TMEM163: variants seen among roughly 807,000 people sequenced by gnomAD.
TMEM163 encodes transmembrane protein 163.
In TMEM163, 17 loss-of-function variants were observed where a neutral mutation model predicts 29.3. That is an observed-to-expected ratio of 0.58 (90% CI 0.40 to 0.87). The LOEUF is 0.87. TMEM163 is among the 40% of genes least tolerant of loss of function. The probability of loss-of-function intolerance (pLI) is 0.00; values close to 1 mark genes in which losing one functional copy is unlikely to be tolerated. For synonymous variants in TMEM163, 157 were observed against 160.6 expected (o/e 0.98, Z 0.17); for missense variants, 303 against 381.5 (o/e 0.79, Z 1.71).
intron 6 of TMEM163, among the ~76,000 whole-genome samples, chr2:134,463,925 G>A (rs1290709292): frequency 6.6e-6 from 1 of 152,178 alleles, no homozygotes; most frequent in Non-Finnish European, 1.5e-5. Context: ...GCAACCCAGG[G>A]CTTCATCTGG....
At chr2:134,612,544 C>CACACACACACAG (rs968618370) in intron 2 of TMEM163, among the ~76,000 whole-genome samples, 1 of 150,094 alleles carries the variant, frequency 6.7e-6, no homozygotes, top group Non-Finnish European at 1.5e-5. Context: ...TTTGCCCCAA[C>CACACACACACAG]ACACACACAC....
intron 5 of TMEM163, among the ~76,000 whole-genome samples, chr2:134,493,422 G>A (rs1454611591): frequency 8.2e-6 from 1 of 121,992 alleles, no homozygotes; most frequent in Non-Finnish European, 1.6e-5. Context: ...CGCCCAGTCT[G>A]GAGTACAGTG....
At chr2:134,463,138 G>A (rs1334348845) in intron 6 of TMEM163, among the ~76,000 whole-genome samples, 1 of 152,154 alleles carries the variant, frequency 6.6e-6, no homozygotes, top group Non-Finnish European at 1.5e-5. Flanking sequence ...AGGGCAGGTG[G>A]GCAGCACACA....
At chr2:134,508,383 T>C (rs1251065332) in intron 4 of TMEM163, among the ~76,000 whole-genome samples, 1 of 152,244 alleles carries the variant, frequency 6.6e-6, no homozygotes, top group African/African-American at 2.4e-5. Context: ...AGTGCTCAAA[T>C]GTGAAGCAAA....
intron 2 of TMEM163, among the ~76,000 whole-genome samples, chr2:134,650,057 A>T (rs1450846040): frequency 6.6e-6 from 1 of 151,502 alleles, no homozygotes; most frequent in Non-Finnish European, 1.5e-5. Flanking sequence ...TATGGCATGC[A>T]AAAATGTCCA....
At chr2:134,634,532 T>A (rs1365011884) in intron 2 of TMEM163, among the ~76,000 whole-genome samples, 1 of 152,116 alleles carries the variant, frequency 6.6e-6, no homozygotes, top group Non-Finnish European at 1.5e-5. Context: ...GCTGCACATC[T>A]CCAGCTAGTG....
intron 2 of TMEM163, among the ~76,000 whole-genome samples, chr2:134,675,344 G>A (rs1684092006): frequency 6.6e-6 from 1 of 152,144 alleles, no homozygotes; most frequent in Non-Finnish European, 1.5e-5. Context: ...AAACCATGTA[G>A]GCATAAGGAG....
chr2:134,631,723 A>C (rs1419838300), intron 2 of TMEM163, among the ~76,000 whole-genome samples: 1 of 152,216 alleles, frequency 6.6e-6, no homozygotes, highest in Non-Finnish European at 1.5e-5. Context: ...TTTAGCTCAA[A>C]ATAAATGTTA....
intron 2 of TMEM163, among the ~76,000 whole-genome samples, chr2:134,584,582 GA>G (rs1681767819): frequency 6.8e-6 from 1 of 147,590 alleles, no homozygotes; most frequent in Non-Finnish European, 1.5e-5. Context: ...AAAGTACCCA[GA>G]AACGTAAGTT....
chr2:134,515,635 G>C (rs1034849787), intron 4 of TMEM163, among the ~76,000 whole-genome samples: 2 of 152,150 alleles, frequency 1.3e-5, no homozygotes, highest in Admixed American at 1.3e-4. Flanking sequence ...GAGTGTTTAA[G>C]TAACTGTGAT....
intron 6 of TMEM163, among the ~76,000 whole-genome samples, chr2:134,462,119 C>T (rs1350183648): frequency 6.6e-6 from 1 of 151,914 alleles, no homozygotes; most frequent in Non-Finnish European, 1.5e-5. Flanking sequence ...ACAGGGCCCC[C>T]TGGGAACAGG....
In TMEM163 at chr2:134,652,040, T is replaced by C. The variant is rs190786351; in HGVS notation, c.322+61160A>G. Among the ~76,000 whole-genome samples, 29 of 139,346 alleles carry C rather than the reference T, an allele frequency of 2.1e-4. 7 individuals are homozygous for C. The highest frequency in any genetic ancestry group is 7.9e-4 in the African/African-American group (26 of 32,932). The allele number at this position is 139,346 out of a possible 152,430, so 91.4% of individuals were successfully genotyped here. On this transcript the variant is annotated intron_variant, in intron 2 of 7. Transcript: ENST00000281924. ...CTTGGTGATGCGGGCTCTTTTTTGG[T>C]TCCATATGAACTTTAGAGTAGTTTT... is the stretch of plus-strand genomic sequence containing the variant.
At chr2:134,585,635 G>A (rs928762325) in intron 2 of TMEM163, among the ~76,000 whole-genome samples, 8 of 152,070 alleles carry the variant, frequency 5.3e-5, no homozygotes, top group Non-Finnish European at 8.8e-5. Context: ...CCAGCTACTA[G>A]GGAGGCTGAA....
intron 2 of TMEM163, among the ~76,000 whole-genome samples, chr2:134,603,293 A>G (rs147750780): frequency 2.6e-5 from 4 of 152,358 alleles, no homozygotes; most frequent in East Asian, 3.9e-4. Context: ...CAAAAACCAT[A>G]AACATTATTT....
At position 134,510,844 on chromosome 2, in the gene TMEM163, A is replaced by G. The variant is rs145077234; in HGVS notation, c.459-7847T>C. The stretch of plus-strand genomic sequence containing the variant: ...CATTTTCCTGGGGCTTCCAGGTTTC[A>G]CATTTCAGGGTGGAGGGGAATGGAT... On this transcript the variant is annotated intron_variant, in intron 4 of 7. Transcript: ENST00000281924. Among the ~76,000 whole-genome samples the G allele has an allele frequency of 6.8e-3, 1,039 of 152,266 alleles. 10 individuals are homozygous for G. The highest frequency in any genetic ancestry group is 0.024 in the Middle Eastern group (7 of 294).
intron 5 of TMEM163, among the ~76,000 whole-genome samples, chr2:134,491,171 G>A (rs535124622): frequency 3.9e-5 from 6 of 152,240 alleles, no homozygotes; most frequent in East Asian, 1.9e-4. Flanking sequence ...TGTGAAGAGC[G>A]AAGCACTCAG....
chr2:134,656,020 C>A (rs1412379416), intron 2 of TMEM163, among the ~76,000 whole-genome samples: 3 of 145,490 alleles, frequency 2.1e-5, no homozygotes, highest in South Asian at 2.2e-4. Context: ...TGCCCTGCCC[C>A]CAGAGGTGGA....
intron 4 of TMEM163, among the ~76,000 whole-genome samples, chr2:134,535,485 T>C (rs1334229950): frequency 6.6e-6 from 1 of 152,186 alleles, no homozygotes; most frequent in Non-Finnish European, 1.5e-5. Flanking sequence ...CTAAAGTCCT[T>C]TCAGAGATTT....
chr2:134,708,733 C>T (rs1029772640), intron 2 of TMEM163, among the ~76,000 whole-genome samples: 2 of 152,030 alleles, frequency 1.3e-5, no homozygotes, highest in African/African-American at 2.4e-5. Context: ...ACTACAGGCA[C>T]GCGCCAACAC....
Sources: gnomAD v4.1 joint callset for allele counts (sites outside exome capture counted in the v4.1 genomes callset) on GRCh38, gnomAD v4.1.1 for gene constraint, MANE v1.5 for transcripts, NCBI Gene and HGNC (gene_info 2026-07-23, HGNC 2026-07-21) for gene names.